The following TATDN3 variants were observed in gnomAD, a reference collection of about 807,000 sequenced individuals.
TATDN3 encodes TatD DNase domain containing 3, also known as deoxyribonuclease TATDN3.
In TATDN3, 29 loss-of-function variants were observed where a neutral mutation model predicts 40.1. The observed-to-expected ratio is 0.72, with a 90% CI of 0.54 to 0.99. The LOEUF is 0.99. Among genes scored for constraint, TATDN3 ranks in the 50% least tolerant of loss-of-function variants. The probability of loss-of-function intolerance (pLI) is 0.00; values close to 1 mark genes in which losing one functional copy is unlikely to be tolerated. For synonymous variants in TATDN3, 105 were observed against 117.0 expected (o/e 0.90, Z 0.66); for missense variants, 309 against 321.9 (o/e 0.96, Z 0.31).
Position 212,804,400 on chromosome 1 carries a change from C to G in TATDN3, c.402C>G (p.Ile134Met). Residue 134 changes from isoleucine (I) to methionine (M), a missense_variant, in exon 6 of 10, where the codon ATC (isoleucine) becomes ATG (methionine). Physicochemically the swap from Ile to Met is conservative, Grantham distance 10. Transcript: ENST00000366974. ...AAAGACAAGTCCTAATCAGACAGAT[C>G]CAGTTAGCCAAAAGACTAAATTTGC... ...EEQRQVLIRQ[I>M]QLAKRLNLPV... is the part of the protein sequence containing the mutation. 6.2e-7 allele frequency: 1 copy of G among 1,614,012 alleles called. No individual in the cohort carries two copies. Among genetic ancestry groups the G allele is most frequent in the Non-Finnish European group, 8.5e-7 (1 of 1,179,944 alleles).
rs1244006179 is a variant in TATDN3, at chr1:212,806,764, A to ATG, written c.488-971_488-970insGT. On this transcript the variant is annotated intron_variant, in intron 7 of 9. Transcript: ENST00000366974. ...TCTCTCTCCATATATATATATATAT[A>ATG]TATATATATATATATATATACACAC... Among the ~76,000 whole-genome samples, 53 of 113,664 alleles carry ATG rather than the reference A, an allele frequency of 4.7e-4. 4 individuals carry two copies. Among genetic ancestry groups the ATG allele is most frequent in the African/African-American group, 1.6e-3 (51 of 32,010 alleles). 74.6% of individuals were successfully genotyped at this position (113,664 alleles called of 152,430 possible). A position where few individuals can be genotyped will look rare whatever the true frequency, so the allele number is the denominator to read the frequency against.
chr1:212,797,127 C>A lies in TATDN3; in HGVS notation c.189C>A (p.Val63=). The change falls in exon 4 of 10, where the codon GTC becomes GTA. Residue 63 remains valine, a synonymous_variant. Coordinates refer to ENST00000366974, the MANE Select transcript of TATDN3 (RefSeq NM_001042552.3). ...ACATTTTTAGGTATAATGGGTTTGT[C>A]CTGCCATGCTTGGGTGTTCATCCAG... The part of the protein sequence containing the change: ...MQLSERYNGF[V]LPCLGVHPVQ... The A allele has an allele frequency of 6.2e-7, 1 of 1,614,034 alleles. No individual in the cohort carries two copies. Among genetic ancestry groups the A allele is most frequent in the South Asian group, 1.1e-5 (1 of 91,070 alleles).
intron 8 of TATDN3, among the ~76,000 whole-genome samples, chr1:212,808,111 G>A (rs1313932430): frequency 2.0e-5 from 3 of 151,988 alleles, no homozygotes; most frequent in Non-Finnish European, 4.4e-5. Flanking sequence ...CCAGGAGTTC[G>A]AAACCAGCCT....
At chr1:212,802,680 A>G in intron 4 of TATDN3, 21 bp from the exon 5 acceptor site, 2 of 1,573,002 alleles carry the variant, frequency 1.3e-6, no homozygotes, top group Non-Finnish European at 1.8e-6. Flanking sequence ...CATTTTAACA[A>G]TTTTACTTTT....
At chr1:212,801,462 G>A (rs1257220834) in intron 4 of TATDN3, among the ~76,000 whole-genome samples, 1 of 152,034 alleles carries the variant, frequency 6.6e-6, no homozygotes, top group East Asian at 1.9e-4. Context: ...ATTTTATTAG[G>A]AGTTTGAATA....
At chr1:212,802,630 G>T in intron 4 of TATDN3, 71 bp from the exon 5 acceptor site, 2 of 1,028,578 alleles carry the variant, frequency 1.9e-6, no homozygotes, top group South Asian at 2.5e-5. Context: ...ATAGCACCTA[G>T]CACATAATAG....
At chr1:212,797,245 A>C (rs1661839099) in intron 4 of TATDN3, 49 bp downstream of exon 4, 1 of 1,388,448 alleles carries the variant, frequency 7.2e-7, no homozygotes, top group Non-Finnish European at 1.0e-6. Context: ...AAACGAAAGA[A>C]TTATTTGACT....
intron 2 of TATDN3, among the ~76,000 whole-genome samples, 182 bp downstream of exon 2, chr1:212,795,309 C>T (rs1344480385): frequency 4.7e-5 from 7 of 149,726 alleles, no homozygotes; most frequent in Non-Finnish European, 7.5e-5. Context: ...CTCGCTCTGT[C>T]GCCCAGGCTG....
chr1:212,795,245 A>AT (rs1661667846), intron 2 of TATDN3, 118 bp downstream of exon 2: 1 of 417,084 alleles, frequency 2.4e-6, no homozygotes, highest in East Asian at 4.3e-5. Context: ...AGTAAGTAGC[A>AT]TTTTTTATTT....
Position 212,806,777 on chromosome 1 carries a change from TATATATAC to T in TATDN3, c.488-957_488-950del, listed in dbSNP as rs1358003379. Among the ~76,000 whole-genome samples, 54 of 103,526 alleles carry T rather than the reference TATATATAC, an allele frequency of 5.2e-4. 10 individuals carry two copies. The highest frequency in any genetic ancestry group is 9.3e-4 in the Non-Finnish European group (47 of 50,678). 67.9% of individuals were successfully genotyped at this position (103,526 alleles called of 152,430 possible). On this transcript the variant is annotated intron_variant, in intron 7 of 9. Transcript: ENST00000366974. ...ATATATATATATATATATATATATA[TATATATAC>T]ACACACACACACACATATATACACA...
At chr1:212,806,431 G>A (rs1468976957) in intron 7 of TATDN3, among the ~76,000 whole-genome samples, 1 of 146,128 alleles carries the variant, frequency 6.8e-6, no homozygotes, top group East Asian at 2.0e-4. Flanking sequence ...ATTGCAGTGG[G>A]GCGATCTCTG....
intron 1 of TATDN3, 71 bp from the exon 2 acceptor site, chr1:212,795,024 A>T (rs1661647740): frequency 8.0e-7 from 1 of 1,245,034 alleles, no homozygotes; most frequent in African/African-American, 1.5e-5. Flanking sequence ...CCACAACTAC[A>T]TTGACATATA....
chr1:212,815,085 G>T lies in TATDN3; in HGVS notation c.754G>T (p.Glu252Ter). Residue 252 changes from glutamate to a stop codon, truncating the protein, a stop_gained, in exon 10 of 10, where the codon GAA becomes TAA. Coordinates refer to ENST00000366974, the MANE Select transcript of TATDN3 (RefSeq NM_001042552.3). LOFTEE classifies it high-confidence loss of function. ...IAQVKGISVE[E>*]VIEVTTQNAL... is the part of the protein sequence containing the mutation. ...CCAGGTGAAAGGGATCTCAGTGGAA[G>T]AAGTTATAGAAGTGACGACACAGAA... The T allele has an allele frequency of 1.2e-6, 2 of 1,614,126 alleles. No homozygotes were observed. Among genetic ancestry groups the T allele is most frequent in the Non-Finnish European group, 1.7e-6 (2 of 1,180,010 alleles).
In TATDN3 at chr1:212,815,194, G is replaced by A. The variant is rs749498806; in HGVS notation, c.*38G>A. The A allele has an allele frequency of 2.5e-6, 4 of 1,584,232 alleles. No homozygotes were observed. Among genetic ancestry groups the A allele is most frequent in the Non-Finnish European group, 3.4e-6 (4 of 1,168,692 alleles). On this transcript the variant is annotated 3_prime_UTR_variant, in exon 10 of 10. Coordinates refer to ENST00000366974, the MANE Select transcript of TATDN3 (RefSeq NM_001042552.3). ...CCATTACAAAATCGAATCAACTGCA[G>A]GGGGCAGCATTTGAAAAATAGAAAT...
chr1:212,811,198 C>T (rs1388929696), intron 8 of TATDN3, among the ~76,000 whole-genome samples: 3 of 151,470 alleles, frequency 2.0e-5, no homozygotes, highest in Non-Finnish European at 1.5e-5. Flanking sequence ...TGCAGTGGCG[C>T]GATCTCAGCT....
At chr1:212,796,257 G>A (rs774267239) in intron 2 of TATDN3, among the ~76,000 whole-genome samples, 1 of 152,070 alleles carries the variant, frequency 6.6e-6, no homozygotes, top group Non-Finnish European at 1.5e-5. Context: ...CAAGTTATTC[G>A]ACATCCAAAA....
chr1:212,804,242 T>C (rs1662327313), intron 5 of TATDN3, 78 bp from the exon 6 acceptor site: 3 of 948,634 alleles, frequency 3.2e-6, no homozygotes, highest in East Asian at 2.6e-5. Flanking sequence ...ATATTTCTAT[T>C]GGATAGCATC....
At chr1:212,808,851 C>A (rs1013675212) in intron 8 of TATDN3, among the ~76,000 whole-genome samples, 2 of 152,102 alleles carry the variant, frequency 1.3e-5, no homozygotes, top group African/African-American at 4.8e-5. Flanking sequence ...TAGGTAGATA[C>A]CCAAAAGAGA....
chr1:212,797,362 A>G (rs79585065), intron 4 of TATDN3, 166 bp downstream of exon 4: 16,947 of 597,912 alleles, frequency 0.028, 341 homozygotes, highest in South Asian at 0.043. Flanking sequence ...CGTAATAGAG[A>G]AAAAGTAGAA....
Sources: allele counts gnomAD v4.1 joint callset (sites outside exome capture counted in the v4.1 genomes callset), GRCh38; gene constraint gnomAD v4.1.1; transcripts MANE v1.5; gene names NCBI Gene and HGNC (gene_info 2026-07-23, HGNC 2026-07-21).